TNKS: variants seen among roughly 807,000 people sequenced by gnomAD.
The protein encoded by TNKS is poly [ADP-ribose] polymerase tankyrase-1.
In TNKS, 72 loss-of-function variants were observed where a neutral mutation model predicts 135.8. The observed-to-expected ratio is 0.53, with a 90% CI of 0.44 to 0.64. The LOEUF (loss-of-function observed/expected upper bound fraction) is 0.64. Ranked by LOEUF, TNKS falls within the 30% of genes least tolerant of loss-of-function variation. The pLI is 0.00. For synonymous variants in TNKS, 849 were observed against 649.3 expected, an observed-to-expected ratio of 1.31 and a Z score of -4.68; for missense variants, 1,769 against 1,674.0, an observed-to-expected ratio of 1.06 and a Z score of -0.99.
chr8:9,639,435 T>C (rs1469256966), intron 3 of TNKS, among the ~76,000 whole-genome samples: 1 of 152,066 alleles, frequency 6.6e-6, no homozygotes, highest in Non-Finnish European at 1.5e-5. Flanking sequence ...TTATTTTTTA[T>C]TGAAATGAAA....
chr8:9,561,479 G>A (rs917717189), intron 1 of TNKS, among the ~76,000 whole-genome samples: 5 of 152,106 alleles, frequency 3.3e-5, no homozygotes, highest in Admixed American at 6.5e-5. Context: ...ACAATATTTA[G>A]TCTTTCTGTA....
chr8:9,576,395 A>G (rs1048805358), intron 1 of TNKS, among the ~76,000 whole-genome samples: 15 of 152,002 alleles, frequency 9.9e-5, no homozygotes, highest in Non-Finnish European at 2.1e-4. Flanking sequence ...TCATGGCAGA[A>G]GGCAAAGGGG....
chr8:9,596,334 G>A (rs1044905365), intron 2 of TNKS, among the ~76,000 whole-genome samples: 5 of 151,994 alleles, frequency 3.3e-5, no homozygotes, highest in Non-Finnish European at 7.4e-5. Context: ...AAATGTGGAG[G>A]TAGGTCCATA....
rs1334349905 is a variant in TNKS at position 9,776,558 on chromosome 8, C to T, written c.3898-92C>T. On this transcript the variant is annotated intron_variant, in intron 26 of 26. Coordinates refer to ENST00000310430, the MANE Select transcript of TNKS (RefSeq NM_003747.3). ...CTGAGTCTATATAGAATATTGGTCA[C>T]GATTAACAGCCTTTGAGGCTTCCAC... 5.8e-6 allele frequency: 7 copies of T among 1,197,054 alleles called. No individual in the cohort carries two copies. In the East Asian group the frequency reaches 7.0e-5, roughly 12 times the overall value. The allele number at this position is 1,197,054 out of a possible 1,614,324, so 74.2% of individuals were successfully genotyped here. A position where few individuals can be genotyped will look rare whatever the true frequency, so the allele number is the denominator to read the frequency against.
At chr8:9,681,686 C>T (rs1037360682) in intron 5 of TNKS, among the ~76,000 whole-genome samples, 2 of 151,972 alleles carry the variant, frequency 1.3e-5, no homozygotes, top group Admixed American at 6.6e-5. Context: ...GAAAATGTTA[C>T]GGCAAATATC....
At chr8:9,640,280 G>A (rs1391314461) in intron 3 of TNKS, among the ~76,000 whole-genome samples, 2 of 152,094 alleles carry the variant, frequency 1.3e-5, no homozygotes, top group Non-Finnish European at 2.9e-5. Context: ...TTCTTACTGT[G>A]TTATTCCACG....
At chr8:9,713,610 C>G (rs1804440973) in intron 11 of TNKS, among the ~76,000 whole-genome samples, 1 of 152,146 alleles carries the variant, frequency 6.6e-6, no homozygotes, top group African/African-American at 2.4e-5. Context: ...CACTGTAGTT[C>G]ATCTACATTG....
In TNKS at chr8:9,748,039, G is replaced by A. The variant is rs372645546; in HGVS notation, c.2659G>A (p.Ala887Thr). 5 of 1,607,402 alleles carry A rather than the reference G, an allele frequency of 3.1e-6. No individual in the cohort carries two copies. Among genetic ancestry groups the A allele is most frequent in the African/African-American group, 2.7e-5 (2 of 74,404 alleles). ...TTTTTTTCAGCATGTTGACATAGCGGCTTTATTGATAAAATACAACACGTG... is the reference window on the plus strand; with the variant it reads ...TTTTTTTCAGCATGTTGACATAGCGACTTTATTGATAAAATACAACACGTG... ...AASYGHVDIA[A>T]LLIKYNTCVN... is the part of the protein sequence containing the mutation. The change falls in exon 18 of 27, where the codon GCT becomes ACT. Residue 887 changes from alanine (A) to threonine (T), a missense_variant. This residue lies in a region of TNKS where 722 missense variants were observed against 688.9 expected (regional missense o/e 1.05). Transcript: ENST00000310430.
chr8:9,593,143 T>C (rs918913226), intron 2 of TNKS, among the ~76,000 whole-genome samples: 4 of 152,158 alleles, frequency 2.6e-5, no homozygotes, highest in African/African-American at 7.2e-5. Context: ...AATAAGGTGA[T>C]GGTGGTAAAT....
chr8:9,593,198 G>C (rs1040173830), intron 2 of TNKS, among the ~76,000 whole-genome samples: 1 of 152,144 alleles, frequency 6.6e-6, no homozygotes, highest in Non-Finnish European at 1.5e-5. Flanking sequence ...ATTGTAAAGG[G>C]TTTTCCCTCG....
At chr8:9,570,386 A>G (rs535032948) in intron 1 of TNKS, among the ~76,000 whole-genome samples, 2 of 149,160 alleles carry the variant, frequency 1.3e-5, no homozygotes, top group Admixed American at 6.9e-5. Context: ...AATGAATGAA[A>G]CATAATGTCC....
At chr8:9,753,530 A>C (rs1464654436) in intron 20 of TNKS, among the ~76,000 whole-genome samples, 2 of 152,198 alleles carry the variant, frequency 1.3e-5, no homozygotes, top group Non-Finnish European at 2.9e-5. Context: ...TGTTTGTTTT[A>C]CTGTTTTCAT....
intron 3 of TNKS, among the ~76,000 whole-genome samples, chr8:9,663,780 G>C (rs575867996): frequency 6.6e-6 from 1 of 152,334 alleles, no homozygotes; most frequent in African/African-American, 2.4e-5. Context: ...TGAATGGCCA[G>C]ATGAGGAGGT....
intron 6 of TNKS, among the ~76,000 whole-genome samples, chr8:9,705,003 C>G (rs1803982790): frequency 6.6e-6 from 1 of 152,258 alleles, no homozygotes; most frequent in African/African-American, 2.4e-5. Flanking sequence ...AATTGTGTCT[C>G]AGTTGCAGTT....
intron 11 of TNKS, among the ~76,000 whole-genome samples, chr8:9,713,444 C>G (rs1258255317): frequency 6.6e-6 from 1 of 152,170 alleles, no homozygotes; most frequent in Non-Finnish European, 1.5e-5. Flanking sequence ...AACATTATGA[C>G]TTGTTCTAGT....
At chr8:9,596,816 C>G (rs118030496) in intron 2 of TNKS, among the ~76,000 whole-genome samples, 1 of 152,292 alleles carries the variant, frequency 6.6e-6, no homozygotes, top group Non-Finnish European at 1.5e-5. Flanking sequence ...GAGTGCTGGT[C>G]TTTTGAAAGA....
chr8:9,669,909 TA>T (rs1332010098), intron 3 of TNKS, among the ~76,000 whole-genome samples: 2 of 152,198 alleles, frequency 1.3e-5, no homozygotes, highest in African/African-American at 4.8e-5. Context: ...TAAAAGGCTA[TA>T]AAAAGGGCTA....
chr8:9,647,371 C>T (rs1035315566), intron 3 of TNKS, among the ~76,000 whole-genome samples: 1 of 152,076 alleles, frequency 6.6e-6, no homozygotes. Flanking sequence ...TATTTTGCAC[C>T]AAGCTCTTAC....
chr8:9,644,098 G>T (rs1488132338), intron 3 of TNKS, among the ~76,000 whole-genome samples: 3 of 152,130 alleles, frequency 2.0e-5, no homozygotes, highest in African/African-American at 4.8e-5. Flanking sequence ...TAAACTAGTG[G>T]TTGCCAGGGC....
Sources: allele counts gnomAD v4.1 joint callset (sites outside exome capture counted in the v4.1 genomes callset), GRCh38; gene constraint gnomAD v4.1.1; regional missense constraint gnomAD v4.1.1; transcripts MANE v1.5; gene names NCBI Gene and HGNC (gene_info 2026-07-23, HGNC 2026-07-21).